HAP1: variants seen among roughly 807,000 people sequenced by gnomAD.
The protein encoded by HAP1 is huntingtin-associated protein 1.
HAP1 carries 59 observed loss-of-function variants against 60.3 expected under a neutral mutation model. The ratio of observed to expected loss-of-function variants is 0.98; its 90% CI spans 0.79 to 1.22. The LOEUF is 1.22. Ranked by LOEUF, HAP1 falls within the 50% of genes most tolerant of loss-of-function variation. The pLI is 0.00. For synonymous variants in HAP1, 346 were observed against 330.6 expected (o/e 1.05, Z -0.50); for missense variants, 825 against 785.3 (o/e 1.05, Z -0.60).
chr17:41,732,380 G>T lies in HAP1; in HGVS notation c.564C>A (p.Val188=), dbSNP rs1469768149. The change falls in exon 3 of 11, where the codon GTC becomes GTA. Residue 188 remains valine, a synonymous_variant. Transcript: ENST00000347901. ...LYLLEELLPP[V]WESVTYGMVL... Reference sequence around the variant, plus strand: ...CCATCCCATAGGTAACGCTCTCCCAGACAGGTGGGAGAAGCTGGGGGGGAC... The same window carrying T: ...CCATCCCATAGGTAACGCTCTCCCATACAGGTGGGAGAAGCTGGGGGGGAC... 2 of 1,614,050 alleles carry T rather than the reference G, an allele frequency of 1.2e-6. No homozygotes were observed. Among genetic ancestry groups the T allele is most frequent in the South Asian group, 2.2e-5 (2 of 91,048 alleles).
chr17:41,727,310 G>A, intron 8 of HAP1, 166 bp from the exon 9 acceptor site: 1 of 780,934 alleles, frequency 1.3e-6, no homozygotes, highest in Non-Finnish European at 2.4e-6. Flanking sequence ...GAGGCACGCT[G>A]TATGGGTAAT....
rs202111294 is a variant in HAP1 at position 41,734,574 on chromosome 17, C to T, written c.61G>A (p.Ala21Thr). Reference sequence around the variant, plus strand: ...GGCGAAGGTGCACAGGTGAGTGCTGCTGGGTCCCCGGGTCCGAGCCGGCTC... The same window carrying T: ...GGCGAAGGTGCACAGGTGAGTGCTGTTGGGTCCCCGGGTCCGAGCCGGCTC... ...AGSRLGPGDP[A>T]ALTCAPSPSA... is the part of the protein sequence containing the mutation. Residue 21 changes from alanine (A) to threonine (T), a missense_variant, in exon 1 of 11, where the codon GCA becomes ACA. Coordinates refer to ENST00000347901, the MANE Select transcript of HAP1 (RefSeq NM_177977.3). 10 of 1,596,472 alleles carry T rather than the reference C, an allele frequency of 6.3e-6. No homozygotes were observed. Among genetic ancestry groups the T allele is most frequent in the Non-Finnish European group, 7.7e-6 (9 of 1,172,512 alleles).
chr17:41,727,010 A>G (rs372630337), intron 9 of HAP1, 43 bp downstream of exon 9: 6 of 1,002,582 alleles, frequency 6.0e-6, no homozygotes, highest in African/African-American at 3.2e-5. Context: ...CACTACAGGA[A>G]AGGCCATGGC....
In HAP1 at chr17:41,731,715, G is replaced by T. The variant is rs781937062; in HGVS notation, c.925C>A (p.His309Asn). ...AAGGCTTCCAGCTGTGGGCAGTGGT[G>T]CTGGTGCAGCAATGCCTCCTGCGAA... ...LISQEALLHQHHCPQLEALQE... is the reference protein window; with the variant it reads ...LISQEALLHQNHCPQLEALQE... Residue 309 changes from histidine (H) to asparagine (N), a missense_variant, in exon 5 of 11, where the codon CAC becomes AAC. Transcript: ENST00000347901. 19 of 1,613,760 alleles carry T rather than the reference G, an allele frequency of 1.2e-5. No homozygotes were observed. The highest frequency in any genetic ancestry group is 1.6e-5 in the Non-Finnish European group (19 of 1,179,780).
chr17:41,719,868 AAAGTT>A (rs1284217692), downstream of HAP1, among the ~76,000 whole-genome samples: 5 of 151,000 alleles, frequency 3.3e-5, no homozygotes, highest in Admixed American at 1.3e-4. Flanking sequence ...AATAAAAAAT[AAAGTT>A]GTCTCCAGAT....
chr17:41,729,336 G>A (rs1567782745), intron 6 of HAP1, among the ~76,000 whole-genome samples: 1 of 149,696 alleles, frequency 6.7e-6, no homozygotes, highest in African/African-American at 2.4e-5. Context: ...GATCGCTTGA[G>A]GTCAGGATTT....
chr17:41,733,240 C>A (rs746105600), intron 1 of HAP1, among the ~76,000 whole-genome samples: 2 of 150,102 alleles, frequency 1.3e-5, no homozygotes, highest in East Asian at 2.0e-4. Flanking sequence ...TTAGTAGAGA[C>A]GGGGTTTCAC....
intron 5 of HAP1, 36 bp downstream of exon 5, chr17:41,731,602 C>G: frequency 6.2e-7 from 1 of 1,603,778 alleles, no homozygotes; most frequent in Non-Finnish European, 8.5e-7. Context: ...GTCAACACCC[C>G]CTGCTAGCAG....
chr17:41,727,766 T>C lies in HAP1; in HGVS notation c.1271A>G (p.Glu424Gly), dbSNP rs782561334. 1.9e-6 allele frequency: 3 copies of C among 1,607,688 alleles called. No individual in the cohort carries two copies. Among genetic ancestry groups the C allele is most frequent in the Middle Eastern group, 1.7e-4 (1 of 6,048 alleles). Residue 424 changes from glutamate (E) to glycine (G), a missense_variant, in exon 8 of 11, where the codon GAA (glutamate) becomes GGA (glycine). Coordinates refer to ENST00000347901, the MANE Select transcript of HAP1 (RefSeq NM_177977.3). ...GAAGCCGGCAGCGAGACTCACCTCT[T>C]CCTGGAGCTGCATCTGGATTTCCTT... The part of the protein sequence containing the change: ...SEKEIQMQLQ[E>G]EETLPGFQET...
downstream of HAP1, chr17:41,721,218 T>C (rs1911188748): frequency 6.6e-6 from 1 of 152,458 alleles, no homozygotes; most frequent in East Asian, 1.9e-4. Flanking sequence ...GTGTGTTTTA[T>C]TTTTACTATT....
chr17:41,732,559 G>C, intron 2 of HAP1, 160 bp downstream of exon 2: 1 of 976,714 alleles, frequency 1.0e-6, no homozygotes, highest in Non-Finnish European at 1.6e-6. Flanking sequence ...GGCTCTGAGA[G>C]CTCTTCCAGC....
At chr17:41,718,013 C>A, downstream of HAP1, 1 of 469,758 alleles carries the variant, frequency 2.1e-6, no homozygotes, top group Non-Finnish European at 4.4e-6. Context: ...CATCTTAGGT[C>A]CTCGGCTGGG....
At position 41,728,226 on chromosome 17, in the gene HAP1, A is replaced by G; in HGVS notation, c.1175T>C (p.Leu392Pro). Reference protein sequence around the residue: ...QEVARLQAQVLKLQQRCRMYG... With the variant: ...QEVARLQAQVPKLQQRCRMYG... Reference sequence around the variant, plus strand: ...CATCCGGCAGCGCTGCTGCAGCTTCAGCACCTGGGCCTGCAGCCGAGCGAC... The same window carrying G: ...CATCCGGCAGCGCTGCTGCAGCTTCGGCACCTGGGCCTGCAGCCGAGCGAC... Residue 392 changes from leucine (L) to proline (P), a missense_variant, in exon 7 of 11, where the codon CTG becomes CCG. By Grantham distance (98) the Leu-to-Pro change is moderately conservative. Transcript: ENST00000347901. 3 of 1,612,994 alleles carry G rather than the reference A, an allele frequency of 1.9e-6. No homozygotes were observed. Among genetic ancestry groups the G allele is most frequent in the Non-Finnish European group, 2.5e-6 (3 of 1,180,028 alleles).
intron 2 of HAP1, 50 bp downstream of exon 2, chr17:41,732,669 A>C: frequency 6.8e-7 from 1 of 1,470,922 alleles, no homozygotes; most frequent in Non-Finnish European, 9.5e-7. Flanking sequence ...CCACCCCTAC[A>C]GGACAAAACT....
chr17:41,726,503 A>G (rs1371209662), intron 9 of HAP1, among the ~76,000 whole-genome samples: 2 of 151,602 alleles, frequency 1.3e-5, no homozygotes, highest in African/African-American at 2.4e-5. Context: ...TGGAGGTTGC[A>G]GTGAGCCAAG....
chr17:41,731,858 C>T (rs938545480), intron 4 of HAP1, 79 bp downstream of exon 4: 18 of 829,992 alleles, frequency 2.2e-5, no homozygotes, highest in Non-Finnish European at 2.8e-5. Context: ...CCAGCAAGCA[C>T]ATCACCTGTG....
At chr17:41,731,428 A>T in intron 6 of HAP1, 65 bp downstream of exon 6, 1 of 1,102,598 alleles carries the variant, frequency 9.1e-7, no homozygotes, top group Non-Finnish European at 1.4e-6. Flanking sequence ...TCCATACTCC[A>T]CATCTTGAGT....
At chr17:41,726,541 GAC>G (rs1468581225) in intron 9 of HAP1, among the ~76,000 whole-genome samples, 5 of 149,538 alleles carry the variant, frequency 3.3e-5, no homozygotes, top group Non-Finnish European at 7.4e-5. Context: ...CAGTCCAGGT[GAC>G]AGAGTGAGAC....
At position 41,732,335 on chromosome 17, in the gene HAP1, G is replaced by A. The variant is rs1460024394; in HGVS notation, c.609C>T (p.Asp203=). 7.4e-6 allele frequency: 12 copies of A among 1,613,958 alleles called. No homozygotes were observed. In the Admixed American group the frequency reaches 2.0e-4, roughly 27 times the overall value. Residue 203 remains aspartate, a synonymous_variant, in exon 3 of 11, where the codon GAC becomes GAT. Coordinates refer to ENST00000347901, the MANE Select transcript of HAP1 (RefSeq NM_177977.3). ...GGCCGATGCGAGCTGCAGTGTTCAG[G>A]TCCCTCTCTCTCTGCAGGACCATCC... is the stretch of plus-strand genomic sequence containing the variant. ...TYGMVLQRER[D]LNTAARIGQS...
Sources: allele counts gnomAD v4.1 joint callset (sites outside exome capture counted in the v4.1 genomes callset), GRCh38; gene constraint gnomAD v4.1.1; transcripts MANE v1.5; gene names NCBI Gene and HGNC (gene_info 2026-07-23, HGNC 2026-07-21).